WWOX: variants seen among roughly 807,000 people sequenced by gnomAD.
The protein encoded by WWOX is WW domain containing oxidoreductase, also known as WW domain-containing oxidoreductase.
A neutral mutation model predicts 46.2 loss-of-function variants in WWOX; 69 were observed. That is an observed-to-expected ratio of 1.49 (90% CI 1.23 to 1.82). WWOX has a LOEUF of 1.82. WWOX is among the 40% of genes most tolerant of loss of function. The pLI is 0.00. For missense variants in WWOX, 919 were observed against 542.6 expected (o/e 1.69, Z -6.89); for synonymous variants, 359 against 202.6 (o/e 1.77, Z -6.56).
At chr16:78,356,761 A>C (rs1222765458) in intron 5 of WWOX, among the ~76,000 whole-genome samples, 1 of 152,166 alleles carries the variant, frequency 6.6e-6, no homozygotes, top group African/African-American at 2.4e-5. Flanking sequence ...ATGAGCCTGT[A>C]ATCCCAGCGA....
At chr16:79,136,174 C>G (rs368510118) in intron 8 of WWOX, among the ~76,000 whole-genome samples, 2 of 151,862 alleles carry the variant, frequency 1.3e-5, no homozygotes, top group Non-Finnish European at 2.9e-5. Context: ...TACCTGAAAG[C>G]GTCCAGGTGA....
intron 8 of WWOX, among the ~76,000 whole-genome samples, chr16:78,929,031 A>G (rs1025132099): frequency 6.6e-6 from 1 of 152,216 alleles, no homozygotes; most frequent in Non-Finnish European, 1.5e-5. Flanking sequence ...GTTACATTAG[A>G]TTTTTAAAGA....
At chr16:78,211,812 T>C (rs1043456305) in intron 5 of WWOX, among the ~76,000 whole-genome samples, 2 of 152,038 alleles carry the variant, frequency 1.3e-5, no homozygotes, top group African/African-American at 2.4e-5. Context: ...AGAACATGCA[T>C]GAAGGGAGGA....
intron 5 of WWOX, among the ~76,000 whole-genome samples, chr16:78,304,139 C>A (rs2080091777): frequency 6.6e-6 from 1 of 152,166 alleles, no homozygotes; most frequent in Non-Finnish European, 1.5e-5. Flanking sequence ...CAAAGTGTTT[C>A]CTTCCCGTGG....
intron 8 of WWOX, among the ~76,000 whole-genome samples, chr16:78,624,289 T>C (rs1427547663): frequency 6.6e-6 from 1 of 152,040 alleles, no homozygotes; most frequent in Non-Finnish European, 1.5e-5. Flanking sequence ...AGGACATGTA[T>C]TTCCAACTGG....
At chr16:78,915,769 C>T (rs541459579) in intron 8 of WWOX, among the ~76,000 whole-genome samples, 6 of 152,256 alleles carry the variant, frequency 3.9e-5, no homozygotes, top group African/African-American at 9.6e-5. Flanking sequence ...GGAATCACTT[C>T]GAAAAGGAAC....
chr16:79,138,024 A>C (rs143289861), intron 8 of WWOX, among the ~76,000 whole-genome samples: 1 of 152,308 alleles, frequency 6.6e-6, no homozygotes, highest in East Asian at 1.9e-4. Context: ...GTTTTACCCA[A>C]ACTGTTTCCA....
At chr16:78,933,480 A>T (rs2045668024) in intron 8 of WWOX, among the ~76,000 whole-genome samples, 1 of 152,210 alleles carries the variant, frequency 6.6e-6, no homozygotes, top group Admixed American at 6.5e-5. Flanking sequence ...TTGACATAAC[A>T]GTTCTGAAGA....
chr16:78,664,039 T>G (rs750060899), intron 8 of WWOX, among the ~76,000 whole-genome samples: 3 of 152,188 alleles, frequency 2.0e-5, no homozygotes, highest in Non-Finnish European at 4.4e-5. Context: ...TGACATAATT[T>G]GAATCATGGT....
chr16:79,150,572 C>T (rs552286598), intron 8 of WWOX, among the ~76,000 whole-genome samples: 6 of 152,232 alleles, frequency 3.9e-5, no homozygotes, highest in South Asian at 2.1e-4. Context: ...AATGTTGCCA[C>T]GTGGAAATTA....
chr16:78,391,242 T>C (rs1454950893), intron 6 of WWOX, among the ~76,000 whole-genome samples: 2 of 152,158 alleles, frequency 1.3e-5, no homozygotes, highest in Non-Finnish European at 2.9e-5. Flanking sequence ...CTAACCATGA[T>C]TATGTAAACA....
chr16:78,380,210 C>T (rs977042833), intron 5 of WWOX, among the ~76,000 whole-genome samples: 2 of 152,034 alleles, frequency 1.3e-5, no homozygotes, highest in Non-Finnish European at 2.9e-5. Context: ...GCCATGAGGG[C>T]TTCTAAGGGG....
chr16:78,434,744 G>A (rs1425859997), intron 8 of WWOX, among the ~76,000 whole-genome samples: 3 of 152,164 alleles, frequency 2.0e-5, no homozygotes, highest in Non-Finnish European at 4.4e-5. Flanking sequence ...CTTTAGAGAT[G>A]AGTCTGTGAC....
chr16:78,913,609 A>G (rs866289281), intron 8 of WWOX, among the ~76,000 whole-genome samples: 5 of 151,658 alleles, frequency 3.3e-5, no homozygotes, highest in Non-Finnish European at 2.9e-5. Context: ...CTTTTACTGT[A>G]TCATAGTAGC....
chr16:79,118,216 G>A (rs1459193853), intron 8 of WWOX, among the ~76,000 whole-genome samples: 4 of 152,224 alleles, frequency 2.6e-5, no homozygotes, highest in African/African-American at 9.6e-5. Flanking sequence ...TTTCAATACT[G>A]TTGTGTCTCA....
intron 5 of WWOX, among the ~76,000 whole-genome samples, chr16:78,310,719 A>AG (rs1453313862): frequency 6.6e-6 from 1 of 152,226 alleles, no homozygotes; most frequent in Non-Finnish European, 1.5e-5. Flanking sequence ...TCCATTAGCA[A>AG]GGGTAAGGCT....
intron 8 of WWOX, among the ~76,000 whole-genome samples, chr16:79,164,738 G>A (rs2050557689): frequency 6.6e-6 from 1 of 152,170 alleles, no homozygotes; most frequent in African/African-American, 2.4e-5. Flanking sequence ...CCACTCGCAT[G>A]TGGTGGTCAG....
At chr16:78,865,250 T>C (rs2043978662) in intron 8 of WWOX, among the ~76,000 whole-genome samples, 1 of 152,108 alleles carries the variant, frequency 6.6e-6, no homozygotes, top group African/African-American at 2.4e-5. Flanking sequence ...CTTACTCTCT[T>C]CCTTTATTTT....
intron 8 of WWOX, among the ~76,000 whole-genome samples, chr16:78,783,964 G>C (rs960783169): frequency 6.6e-6 from 1 of 151,988 alleles, no homozygotes; most frequent in African/African-American, 2.4e-5. Flanking sequence ...TGGTGATGCT[G>C]GTGATGATGA....
Sources: allele counts gnomAD v4.1 joint callset (sites outside exome capture counted in the v4.1 genomes callset), GRCh38; gene constraint gnomAD v4.1.1; transcripts MANE v1.5; gene names NCBI Gene and HGNC (gene_info 2026-07-23, HGNC 2026-07-21).